ESRRG: variants seen among roughly 807,000 people sequenced by gnomAD.
The protein encoded by ESRRG is estrogen related receptor gamma.
Under a neutral mutation model 44.0 loss-of-function variants are expected in ESRRG, and 13 were observed. The ratio of observed to expected loss-of-function variants is 0.30; its 90% confidence interval spans 0.19 to 0.47. The LOEUF is 0.47. Among genes scored for constraint, ESRRG ranks in the 20% least tolerant of loss-of-function variants. The probability of loss-of-function intolerance (pLI) is 1.00; values close to 1 mark genes in which losing one functional copy is unlikely to be tolerated. For missense variants in ESRRG, 395 were observed against 580.6 expected, an observed-to-expected ratio of 0.68 and a Z score of 3.29; for synonymous variants, 215 against 214.6, an observed-to-expected ratio of 1.00 and a Z score of -0.02.
chr1:216,897,801 T>TA (rs59079393), intron 2 of ESRRG, among the ~76,000 whole-genome samples: 22,758 of 147,352 alleles, frequency 0.15, 1,891 homozygotes, highest in Admixed American at 0.21. Flanking sequence ...CCCAGTCCTT[T>TA]AAAAAAAAAA....
chr1:216,990,141 G>A (rs571554683), intron 1 of ESRRG, among the ~76,000 whole-genome samples: 54 of 152,248 alleles, frequency 3.5e-4, no homozygotes, highest in Middle Eastern at 3.4e-3. Context: ...CTACTCTTGG[G>A]TCAAACCATT....
chr1:217,119,818 A>G (rs2092795803), intron 1 of ESRRG, among the ~76,000 whole-genome samples: 1 of 152,172 alleles, frequency 6.6e-6, no homozygotes, highest in East Asian at 1.9e-4. Flanking sequence ...ACACTCTACA[A>G]TTGAGCCCCA....
At chr1:217,095,393 C>G (rs568272962) in intron 1 of ESRRG, among the ~76,000 whole-genome samples, 1 of 152,200 alleles carries the variant, frequency 6.6e-6, no homozygotes, top group South Asian at 2.1e-4. Context: ...TTGTTTAAGC[C>G]AGTTGGGCAA....
intron 2 of ESRRG, among the ~76,000 whole-genome samples, chr1:216,655,323 A>C (rs531224542): frequency 3.9e-5 from 6 of 152,256 alleles, no homozygotes; most frequent in African/African-American, 1.4e-4. Flanking sequence ...TAAACAATAC[A>C]TTTTAGTGGG....
At chr1:216,774,798 C>CTCTTTTTTTTTT (rs778887121) in intron 2 of ESRRG, among the ~76,000 whole-genome samples, 4 of 110,850 alleles carry the variant, frequency 3.6e-5, no homozygotes, top group African/African-American at 1.1e-4. Flanking sequence ...ATAATTTCTT[C>CTCTTTTTTTTTT]TTTTTTTTTT....
chr1:216,669,703 T>G (rs1208425539), intron 2 of ESRRG, among the ~76,000 whole-genome samples: 2 of 152,194 alleles, frequency 1.3e-5, no homozygotes, highest in African/African-American at 4.8e-5. Flanking sequence ...CTGGCCAACA[T>G]AGTGAAACTC....
At chr1:217,025,352 TA>T (rs142131330) in intron 1 of ESRRG, among the ~76,000 whole-genome samples, 42 of 148,350 alleles carry the variant, frequency 2.8e-4, no homozygotes, top group South Asian at 4.2e-4. Flanking sequence ...ATTTCTGCTT[TA>T]AAAAAAAAAA....
intron 1 of ESRRG, among the ~76,000 whole-genome samples, chr1:216,950,344 A>C (rs977208981): frequency 2.6e-5 from 4 of 152,220 alleles, no homozygotes; most frequent in Non-Finnish European, 5.9e-5. Context: ...AGGAACACCT[A>C]GATAAATTAG....
At chr1:216,538,295 T>C (rs992367438) in intron 5 of ESRRG, among the ~76,000 whole-genome samples, 4 of 152,084 alleles carry the variant, frequency 2.6e-5, no homozygotes, top group African/African-American at 9.6e-5. Flanking sequence ...TTGGAAGGTC[T>C]CAAGGACCTA....
rs919780786 is a variant in ESRRG, at chr1:216,741,367, T to C, written c.-13-63876A>G. On this transcript the variant is annotated intron_variant, in intron 2 of 7. Transcript: ENST00000359162. ...ATACCTGTTCACAATCCTGTGTCAC[T>C]ACATGTGTGGACCCCTCAGGCTAAA... is the stretch of plus-strand genomic sequence containing the variant. Among the ~76,000 whole-genome samples, 158 of 151,284 alleles carry C rather than the reference T, an allele frequency of 1.0e-3. 1 individual carries two copies. The highest frequency in any genetic ancestry group is 1.1e-3 in the Non-Finnish European group (75 of 67,840).
At chr1:216,758,307 C>T (rs1367403088) in intron 2 of ESRRG, among the ~76,000 whole-genome samples, 1 of 152,044 alleles carries the variant, frequency 6.6e-6, no homozygotes, top group Non-Finnish European at 1.5e-5. Flanking sequence ...TGTTTAATGT[C>T]ATTAGCGATT....
chr1:216,598,894 T>TAGGTAAG (rs2058810126), intron 3 of ESRRG, among the ~76,000 whole-genome samples: 1 of 152,202 alleles, frequency 6.6e-6, no homozygotes, highest in South Asian at 2.1e-4. Flanking sequence ...GACACAATTC[T>TAGGTAAG]GACACTCAAA....
intron 1 of ESRRG, among the ~76,000 whole-genome samples, chr1:216,700,384 A>G (rs2081164663): frequency 6.6e-6 from 1 of 152,230 alleles, no homozygotes; most frequent in Non-Finnish European, 1.5e-5. Context: ...TATCAGATAA[A>G]TAAAACATCA....
At chr1:216,963,325 C>T (rs2069519719) in intron 1 of ESRRG, among the ~76,000 whole-genome samples, 2 of 152,208 alleles carry the variant, frequency 1.3e-5, no homozygotes, top group African/African-American at 2.4e-5. Flanking sequence ...TATAAACCAC[C>T]ACTGCTTGAC....
At position 216,673,507 on chromosome 1, in the gene ESRRG, C is replaced by T. The variant is rs72737389; in HGVS notation, c.472+3569G>A. 3.9e-3 allele frequency among the ~76,000 whole-genome samples: 592 copies of T among 152,298 alleles called. 2 individuals are homozygous for T. Among genetic ancestry groups the T allele is most frequent in the Non-Finnish European group, 6.3e-3 (426 of 68,028 alleles). On this transcript the variant is annotated intron_variant, in intron 2 of 6. Coordinates refer to ENST00000408911, the MANE Select transcript of ESRRG (RefSeq NM_001438.4). ...GACATCTCTGTCTCCTGCTCAAAAT[C>T]CTTGAAACTTGCTCTCTCCAATACG... is the stretch of plus-strand genomic sequence containing the variant.
At chr1:216,851,602 G>T (rs768283294) in intron 2 of ESRRG, among the ~76,000 whole-genome samples, 1 of 152,090 alleles carries the variant, frequency 6.6e-6, no homozygotes, top group Non-Finnish European at 1.5e-5. Context: ...GAAGGCCCTC[G>T]CCAGAACCTG....
chr1:216,764,362 C>T (rs2092960084), intron 2 of ESRRG, among the ~76,000 whole-genome samples: 1 of 151,820 alleles, frequency 6.6e-6, no homozygotes, highest in African/African-American at 2.4e-5. Context: ...CTCTGCCTCC[C>T]AGGTTCAAGC....
At chr1:216,747,638 A>C (rs115051606) in intron 2 of ESRRG, among the ~76,000 whole-genome samples, 49 of 152,354 alleles carry the variant, frequency 3.2e-4, no homozygotes, top group African/African-American at 1.2e-3. Flanking sequence ...TAAACACTTA[A>C]TACCAAAATA....
chr1:216,818,826 C>T (rs2095223127), intron 2 of ESRRG, among the ~76,000 whole-genome samples: 4 of 152,106 alleles, frequency 2.6e-5, no homozygotes, highest in Admixed American at 2.6e-4. Flanking sequence ...CATGTGTTCT[C>T]ATCACTCAGC....
Sources: gnomAD v4.1 joint callset for allele counts (sites outside exome capture counted in the v4.1 genomes callset) on GRCh38, gnomAD v4.1.1 for gene constraint, MANE v1.5 for transcripts, NCBI Gene and HGNC (gene_info 2026-07-23, HGNC 2026-07-21) for gene names.